Variants in VOPP1 observed in about 807,000 individuals in gnomAD.
The protein encoded by VOPP1 is VOPP1 WW domain binding protein, also known as WW domain binding protein VOPP1.
A neutral mutation model predicts 23.5 loss-of-function variants in VOPP1; 8 were observed. The ratio of observed to expected loss-of-function variants is 0.34; its 90% CI spans 0.20 to 0.61. The LOEUF is 0.61. VOPP1 is among the 20% of genes least tolerant of loss of function. The pLI, the probability that VOPP1 is intolerant of heterozygous loss-of-function variation, is 0.78. For synonymous variants in VOPP1, 83 were observed against 97.3 expected (o/e 0.85, Z 0.86); for missense variants, 174 against 238.1 (o/e 0.73, Z 1.77).
chr7:55,460,631 T>C (rs1250204514), intron 4 of VOPP1, among the ~76,000 whole-genome samples: 2 of 152,214 alleles, frequency 1.3e-5, no homozygotes, highest in African/African-American at 4.8e-5. Context: ...GCAAAAGTAA[T>C]TGCAGTTCTT....
At chr7:55,513,958 T>C (rs540794687) in intron 2 of VOPP1, among the ~76,000 whole-genome samples, 1 of 152,260 alleles carries the variant, frequency 6.6e-6, no homozygotes, top group South Asian at 2.1e-4. Context: ...CATGAAACAG[T>C]CATCGTCTGA....
intron 3 of VOPP1, among the ~76,000 whole-genome samples, chr7:55,497,042 G>A (rs892853402): frequency 6.6e-6 from 1 of 152,174 alleles, no homozygotes; most frequent in Non-Finnish European, 1.5e-5. Flanking sequence ...TGAGGCTCCC[G>A]CCCACAGGAG....
At chr7:55,494,462 C>T (rs557385373) in intron 3 of VOPP1, among the ~76,000 whole-genome samples, 1 of 152,212 alleles carries the variant, frequency 6.6e-6, no homozygotes, top group South Asian at 2.1e-4. Flanking sequence ...CCACTGCCAA[C>T]AGTAGTAAGA....
chr7:55,501,152 A>T (rs1428295223), intron 2 of VOPP1, among the ~76,000 whole-genome samples: 1 of 152,266 alleles, frequency 6.6e-6, no homozygotes, highest in Non-Finnish European at 1.5e-5. Flanking sequence ...TACTGACCAG[A>T]AAGATTTCCA....
intron 2 of VOPP1, among the ~76,000 whole-genome samples, chr7:55,506,460 C>T (rs1183027687): frequency 6.6e-6 from 1 of 152,160 alleles, no homozygotes; most frequent in African/African-American, 2.4e-5. Flanking sequence ...CTCAGCCTCT[C>T]GAGAAGCTGG....
At chr7:55,475,351 C>T (rs1352452141) in intron 4 of VOPP1, among the ~76,000 whole-genome samples, 1 of 152,112 alleles carries the variant, frequency 6.6e-6, no homozygotes, top group Non-Finnish European at 1.5e-5. Context: ...CAGCAAGGGA[C>T]TCGGCCACCA....
chr7:55,547,402 G>T (rs61020179), intron 1 of VOPP1, among the ~76,000 whole-genome samples: 3,386 of 152,292 alleles, frequency 0.022, 144 homozygotes, highest in African/African-American at 0.077. Flanking sequence ...GGCTGGGAGT[G>T]AAATTTGGGC....
intron 4 of VOPP1, among the ~76,000 whole-genome samples, chr7:55,484,463 T>C (rs1469354819): frequency 2.0e-5 from 3 of 152,106 alleles, no homozygotes; most frequent in African/African-American, 7.2e-5. Context: ...TGAGCAGCAG[T>C]GCAGGCTGGA....
intron 1 of VOPP1, among the ~76,000 whole-genome samples, chr7:55,552,329 G>T (rs1164442661): frequency 6.6e-6 from 1 of 152,206 alleles, no homozygotes; most frequent in East Asian, 1.9e-4. Flanking sequence ...CTCCCAAGAA[G>T]CTCAGACTAT....
intron 2 of VOPP1, among the ~76,000 whole-genome samples, chr7:55,512,194 G>A (rs1304116910): frequency 2.6e-5 from 4 of 152,200 alleles, no homozygotes; most frequent in Non-Finnish European, 5.9e-5. Flanking sequence ...GGGAGGCCGA[G>A]GCAGGCGGAT....
chr7:55,482,628 C>T (rs1438014459), intron 4 of VOPP1, among the ~76,000 whole-genome samples: 2 of 151,962 alleles, frequency 1.3e-5, no homozygotes, highest in Admixed American at 6.6e-5. Flanking sequence ...CGTGAGCCAC[C>T]GCGTCCGGCC....
At chr7:55,534,818 A>G (rs1796688478) in intron 1 of VOPP1, among the ~76,000 whole-genome samples, 1 of 152,176 alleles carries the variant, frequency 6.6e-6, no homozygotes, top group Admixed American at 6.5e-5. Flanking sequence ...ACTTTGGGGA[A>G]AGTACCACCG....
chr7:55,486,461 C>T (rs1583882158), intron 4 of VOPP1, among the ~76,000 whole-genome samples: 2 of 152,092 alleles, frequency 1.3e-5, no homozygotes, highest in East Asian at 1.9e-4. Flanking sequence ...AGGGGCAGCA[C>T]GGGGGCTGGA....
intron 4 of VOPP1, among the ~76,000 whole-genome samples, chr7:55,480,711 T>TG (rs545600148): frequency 0.012 from 1,791 of 152,350 alleles, 12 homozygotes; most frequent in Middle Eastern, 0.02. Context: ...AATAAAGCTA[T>TG]GAATCTATTA....
intron 4 of VOPP1, among the ~76,000 whole-genome samples, chr7:55,439,242 G>T (rs1330587546): frequency 8.5e-5 from 13 of 152,116 alleles, no homozygotes; most frequent in Non-Finnish European, 1.2e-4. Flanking sequence ...CAGCAGAGAA[G>T]AGGAGAAGGC....
intron 2 of VOPP1, among the ~76,000 whole-genome samples, chr7:55,507,392 T>G (rs1455246475): frequency 2.0e-5 from 3 of 151,970 alleles, no homozygotes. Flanking sequence ...TGGGGGGTGT[T>G]GTTCTGGCTT....
At chr7:55,541,818 C>T (rs1447745334) in intron 1 of VOPP1, among the ~76,000 whole-genome samples, 1 of 152,094 alleles carries the variant, frequency 6.6e-6, no homozygotes, top group Non-Finnish European at 1.5e-5. Flanking sequence ...CCTAAGGGAC[C>T]ACGTTACATG....
At chr7:55,476,090 G>A (rs542162868) in intron 4 of VOPP1, among the ~76,000 whole-genome samples, 8 of 152,282 alleles carry the variant, frequency 5.3e-5, no homozygotes, top group African/African-American at 9.6e-5. Flanking sequence ...GGGGCATCAC[G>A]GGCCCGTGTG....
At chr7:55,523,265 G>C (rs533752853) in intron 1 of VOPP1, among the ~76,000 whole-genome samples, 13 of 152,264 alleles carry the variant, frequency 8.5e-5, no homozygotes, top group African/African-American at 3.1e-4. Context: ...TGCCATCCTT[G>C]ATGCAAAAGG....
Sources: allele counts gnomAD v4.1 joint callset (sites outside exome capture counted in the v4.1 genomes callset), GRCh38; gene constraint gnomAD v4.1.1; transcripts MANE v1.5; gene names NCBI Gene and HGNC (gene_info 2026-07-23, HGNC 2026-07-21).